LRP1B: variants seen among roughly 807,000 people sequenced by gnomAD.
LRP1B encodes low-density lipoprotein receptor-related protein 1B.
Under a neutral mutation model 556.6 loss-of-function variants are expected in LRP1B, and 217 were observed. The ratio of observed to expected loss-of-function variants is 0.39; its 90% CI spans 0.35 to 0.44. The LOEUF is 0.44. Among genes scored for constraint, LRP1B ranks in the 20% least tolerant of loss-of-function variants. The pLI, the probability that LRP1B is intolerant of heterozygous loss-of-function variation, is 1.00. For missense variants in LRP1B, 5,053 were observed against 5,620.8 expected (o/e 0.90, Z 3.23); for synonymous variants, 2,047 against 1,865.8 (o/e 1.10, Z -2.50).
chr2:141,734,223 G>A (rs1430989688), intron 2 of LRP1B, among the ~76,000 whole-genome samples: 1 of 152,034 alleles, frequency 6.6e-6, no homozygotes, highest in African/African-American at 2.4e-5. Context: ...GAAAATAAGT[G>A]CAGTGAATAA....
intron 1 of LRP1B, among the ~76,000 whole-genome samples, chr2:142,009,061 A>G (rs543261910): frequency 1.1e-4 from 17 of 152,268 alleles, no homozygotes; most frequent in Non-Finnish European, 1.6e-4. Flanking sequence ...CTGGACACTA[A>G]CTTCTTGAAC....
At chr2:141,028,281 G>T (rs1048353267) in intron 11 of LRP1B, among the ~76,000 whole-genome samples, 34 of 151,498 alleles carry the variant, frequency 2.2e-4, no homozygotes, top group African/African-American at 7.5e-4. Flanking sequence ...CACAGTAAAA[G>T]TATAAGAGGT....
At chr2:141,906,744 G>T (rs901860328) in intron 1 of LRP1B, among the ~76,000 whole-genome samples, 2 of 152,022 alleles carry the variant, frequency 1.3e-5, no homozygotes, top group African/African-American at 2.4e-5. Flanking sequence ...GTGTGTGCAT[G>T]CATATTTGTG....
intron 32 of LRP1B, among the ~76,000 whole-genome samples, chr2:140,784,860 T>C (rs1026139941): frequency 1.3e-5 from 2 of 151,882 alleles, no homozygotes. Flanking sequence ...AAAATGAAAG[T>C]TCACCCTCTA....
At chr2:140,648,976 GGAGA>G (rs1684580556) in intron 41 of LRP1B, among the ~76,000 whole-genome samples, 1 of 151,976 alleles carries the variant, frequency 6.6e-6, no homozygotes, top group African/African-American at 2.4e-5. Context: ...TAGTGGGGTG[GGAGA>G]GAAACAAACT....
intron 20 of LRP1B, among the ~76,000 whole-genome samples, chr2:140,925,223 A>G (rs1373246595): frequency 6.6e-6 from 1 of 152,116 alleles, no homozygotes. Flanking sequence ...TGGAGGAATG[A>G]CTGTATGACA....
chr2:140,536,343 G>C lies in LRP1B; in HGVS notation c.7642+238C>G, dbSNP rs6722976. Among the ~76,000 whole-genome samples the C allele has an allele frequency of 9.1e-5, 9 of 98,588 alleles. 1 individual carries two copies. Among genetic ancestry groups the C allele is most frequent in the African/African-American group, 3.7e-4 (9 of 24,620 alleles). 64.7% of individuals were successfully genotyped at this position (98,588 alleles called of 152,430 possible). On this transcript the variant is annotated intron_variant, in intron 46 of 90. Transcript: ENST00000389484. The stretch of plus-strand genomic sequence containing the variant: ...AAAAAAAAAAAAAAAAAAAAAAAAA[G>C]GCTATTTTGTGGATAGAAAACCATG...
intron 1 of LRP1B, among the ~76,000 whole-genome samples, chr2:142,011,612 A>G (rs1184431813): frequency 1.3e-5 from 2 of 152,116 alleles, no homozygotes; most frequent in African/African-American, 4.8e-5. Flanking sequence ...TAAAGGCCTG[A>G]TGTTGTGTTC....
chr2:140,334,057 T>G (rs1215620665), intron 79 of LRP1B, among the ~76,000 whole-genome samples: 1 of 151,858 alleles, frequency 6.6e-6, no homozygotes, highest in Non-Finnish European at 1.5e-5. Flanking sequence ...TTACATAAGG[T>G]ATTTATATTT....
intron 5 of LRP1B, among the ~76,000 whole-genome samples, chr2:141,236,122 T>A (rs1453871333): frequency 6.6e-6 from 1 of 152,132 alleles, no homozygotes; most frequent in Non-Finnish European, 1.5e-5. Flanking sequence ...AATTTCCCAC[T>A]CAACTTTCCA....
In LRP1B at chr2:141,484,418, T is replaced by C. The variant is rs567492858; in HGVS notation, c.206-3885A>G. ...GCATGATGCCTCCAGCTTTGTTCTT[T>C]TGGCTTAGGATTGACTTGGTGATGT... On this transcript the variant is annotated intron_variant, in intron 2 of 90. Coordinates refer to ENST00000389484, the MANE Select transcript of LRP1B (RefSeq NM_018557.3). Among the ~76,000 whole-genome samples, 55 of 151,462 alleles carry C rather than the reference T, an allele frequency of 3.6e-4. No homozygotes were observed. In the East Asian group the frequency reaches 0.011, roughly 30 times the overall value.
chr2:141,517,747 G>A (rs1684377124), intron 2 of LRP1B, among the ~76,000 whole-genome samples: 2 of 152,062 alleles, frequency 1.3e-5, no homozygotes, highest in Admixed American at 1.3e-4. Flanking sequence ...GGAACTACCA[G>A]GCTTTTACCA....
At chr2:141,428,114 CCA>C (rs1259444425) in intron 3 of LRP1B, among the ~76,000 whole-genome samples, 14 of 152,134 alleles carry the variant, frequency 9.2e-5, no homozygotes, top group African/African-American at 3.4e-4. Flanking sequence ...GATATCACTA[CCA>C]TTTTTTTATG....
At position 141,490,901 on chromosome 2, in the gene LRP1B, C is replaced by G. The variant is rs921441591; in HGVS notation, c.206-10368G>C. On this transcript the variant is annotated intron_variant, in intron 2 of 90. Coordinates refer to ENST00000389484, the MANE Select transcript of LRP1B (RefSeq NM_018557.3). ...AGAAATTTATTTTCTCCTTCGTCCC[C>G]CTCCCTCCACTTCCACCTAGGTTAA... Among the ~76,000 whole-genome samples, 3 of 149,928 alleles carry G rather than the reference C, an allele frequency of 2.0e-5. No individual in the cohort carries two copies. In the Admixed American group the frequency reaches 2.0e-4, roughly 10 times the overall value.
intron 50 of LRP1B, among the ~76,000 whole-genome samples, chr2:140,515,117 T>C (rs919361756): frequency 6.6e-6 from 1 of 152,070 alleles, no homozygotes; most frequent in South Asian, 2.1e-4. Context: ...TGGTATAGTC[T>C]AGTCATACTT....
chr2:141,837,893 G>C (rs1240924260), intron 1 of LRP1B, among the ~76,000 whole-genome samples: 1 of 152,086 alleles, frequency 6.6e-6, no homozygotes, highest in African/African-American at 2.4e-5. Flanking sequence ...AACTCCCAGA[G>C]AAATATCTAC....
intron 3 of LRP1B, among the ~76,000 whole-genome samples, chr2:141,288,853 G>C (rs180868148): frequency 6.6e-6 from 1 of 152,182 alleles, no homozygotes; most frequent in East Asian, 1.9e-4. Context: ...CACCACAGCT[G>C]ACCTAGAGAA....
chr2:141,628,752 A>G (rs1390784226), intron 2 of LRP1B, among the ~76,000 whole-genome samples: 4 of 152,008 alleles, frequency 2.6e-5, no homozygotes, highest in Non-Finnish European at 4.4e-5. Context: ...GGCTCAAGCA[A>G]TCCTCCCACC....
intron 1 of LRP1B, among the ~76,000 whole-genome samples, chr2:141,865,939 A>G (rs1158201490): frequency 3.3e-5 from 5 of 152,242 alleles, no homozygotes; most frequent in Admixed American, 2.0e-4. Context: ...GACTTAACCA[A>G]AATCTTCTGG....
Sources: allele counts gnomAD v4.1 joint callset (sites outside exome capture counted in the v4.1 genomes callset), GRCh38; gene constraint gnomAD v4.1.1; transcripts MANE v1.5; gene names NCBI Gene and HGNC (gene_info 2026-07-23, HGNC 2026-07-21).